FGD5: variants seen among roughly 807,000 people sequenced by gnomAD.
FGD5 encodes FYVE, RhoGEF and PH domain containing 5, also known as FYVE, RhoGEF and PH domain-containing protein 5.
FGD5 carries 28 observed loss-of-function variants against 133.4 expected under a neutral mutation model. The observed-to-expected ratio is 0.21, with a 90% confidence interval of 0.16 to 0.29. FGD5 has a LOEUF of 0.29. Among genes scored for constraint, FGD5 ranks in the 10% least tolerant of loss-of-function variants. The pLI is 1.00. For missense variants in FGD5, 1,858 were observed against 1,895.2 expected, an observed-to-expected ratio of 0.98 and a Z score of 0.36; for synonymous variants, 810 against 776.5, an observed-to-expected ratio of 1.04 and a Z score of -0.72.
chr3:14,933,207 CA>C lies in FGD5; in HGVS notation c.*42del. The C allele has an allele frequency of 1.2e-6, 2 of 1,605,142 alleles. No homozygotes were observed. The stretch of plus-strand genomic sequence containing the variant: ...GTGGACTTGTAACAAATTCTTAGGT[CA>C]ATATGTGAATGCTTTTAGAAGCTAA... On this transcript the variant is annotated 3_prime_UTR_variant, in exon 20 of 20. Coordinates refer to ENST00000285046, the MANE Select transcript of FGD5 (RefSeq NM_152536.4).
At chr3:14,839,924 CTG>C (rs2036885591) in intron 1 of FGD5, among the ~76,000 whole-genome samples, 1 of 126,928 alleles carries the variant, frequency 7.9e-6, no homozygotes, top group Non-Finnish European at 1.6e-5. Flanking sequence ...CTGAGCAAGA[CTG>C]TCTCAAAAAA....
Position 14,880,759 on chromosome 3 carries a change from A to G in FGD5, c.2735A>G (p.Gln912Arg), listed in dbSNP as rs2037809697. The G allele has an allele frequency of 6.2e-7, 1 of 1,614,016 alleles. No homozygotes were observed. Reference sequence around the variant, plus strand: ...CTCTGCAGATACGTGGAGATGCTCCAGCACTTAAATCTGGTGAGTTAATCA... The same window carrying G: ...CTCTGCAGATACGTGGAGATGCTCCGGCACTTAAATCTGGTGAGTTAATCA... ...SSEKAYVEMLQHLNLDFHGAV... is the reference protein window; with the variant it reads ...SSEKAYVEMLRHLNLDFHGAV... The change falls in exon 4 of 20, where the codon CAG (glutamine) becomes CGG (arginine). Residue 912 changes from glutamine to arginine, a missense_variant. By Grantham distance (43) the Gln-to-Arg change is conservative (BLOSUM62 1). This residue lies in a region of FGD5 where 1,824 missense variants were observed against 1,848.9 expected (regional missense o/e 0.99). Coordinates refer to ENST00000285046, the MANE Select transcript of FGD5 (RefSeq NM_152536.4).
intron 1 of FGD5, among the ~76,000 whole-genome samples, chr3:14,830,458 C>T (rs1240849952): frequency 8.6e-6 from 1 of 116,680 alleles, no homozygotes; most frequent in Non-Finnish European, 2.0e-5. Context: ...TTAAGACCCC[C>T]AACTATTTTT....
At chr3:14,838,707 A>G (rs2036863439) in intron 1 of FGD5, among the ~76,000 whole-genome samples, 1 of 152,168 alleles carries the variant, frequency 6.6e-6, no homozygotes, top group African/African-American at 2.4e-5. Flanking sequence ...TCCATCTATG[A>G]CCCTGGGAAG....
chr3:14,818,895 ACT>A, upstream of FGD5: 1 of 1,417,986 alleles, frequency 7.1e-7, no homozygotes, highest in Non-Finnish European at 9.2e-7. Context: ...TGTGTAGGAG[ACT>A]CTGAATGGCA....
intron 2 of FGD5, among the ~76,000 whole-genome samples, chr3:14,874,927 T>C (rs1238463615): frequency 6.6e-6 from 1 of 152,132 alleles, no homozygotes; most frequent in Non-Finnish European, 1.5e-5. Flanking sequence ...CGTCCCTCCT[T>C]CTCCCCTCGC....
At chr3:14,927,233 T>C (rs1384083278) in intron 18 of FGD5, among the ~76,000 whole-genome samples, 1 of 152,236 alleles carries the variant, frequency 6.6e-6, no homozygotes, top group African/African-American at 2.4e-5. Flanking sequence ...CCTTTGCCTG[T>C]GTCCACAGGT....
intron 18 of FGD5, among the ~76,000 whole-genome samples, chr3:14,927,260 T>G (rs756027096): frequency 2.6e-5 from 4 of 152,076 alleles, no homozygotes; most frequent in Non-Finnish European, 5.9e-5. Flanking sequence ...TTCCACACTG[T>G]GGGGGATTTT....
chr3:14,908,411 GA>G lies in FGD5; in HGVS notation c.3336+701del, dbSNP rs2038379472. Among the ~76,000 whole-genome samples the G allele has an allele frequency of 2.0e-5, 3 of 152,078 alleles. No homozygotes were observed. The South Asian group carries it at 6.2e-4, about 32-fold the overall frequency. ...ACCTTCCGAGGCTCTGTTCTGAATGGACTCCTCGTGGGTACAAACCAAGGAG... is the reference window on the plus strand; with the variant it reads ...ACCTTCCGAGGCTCTGTTCTGAATGGCTCCTCGTGGGTACAAACCAAGGAG... On this transcript the variant is annotated intron_variant, in intron 10 of 19. Transcript: ENST00000285046.
At chr3:14,823,311 A>G (rs1483953802) in intron 1 of FGD5, among the ~76,000 whole-genome samples, 5 of 152,172 alleles carry the variant, frequency 3.3e-5, no homozygotes, top group Non-Finnish European at 5.9e-5. Context: ...GAAATCCTCC[A>G]GCCACAGGGA....
intron 15 of FGD5, 31 bp from the exon 16 acceptor site, chr3:14,923,015 G>A (rs754806771): frequency 2.5e-6 from 4 of 1,613,448 alleles, no homozygotes; most frequent in South Asian, 2.2e-5. Flanking sequence ...TGCACTGAGA[G>A]GGGTGAGAAT....
intron 2 of FGD5, among the ~76,000 whole-genome samples, chr3:14,875,315 G>C (rs1211098925): frequency 6.8e-6 from 1 of 147,802 alleles, no homozygotes; most frequent in Non-Finnish European, 1.5e-5. Context: ...GTGGATGTGG[G>C]TTATTTTAGG....
chr3:14,813,757 C>G (rs1356943786), intron 1 of FGD5, among the ~76,000 whole-genome samples: 2 of 152,144 alleles, frequency 1.3e-5, no homozygotes, highest in Non-Finnish European at 1.5e-5. Flanking sequence ...GTGTGAAGAT[C>G]AGGGCTCCTG....
At chr3:14,880,506 G>T in intron 2 of FGD5, 66 bp from the exon 3 acceptor site, 2 of 1,518,514 alleles carry the variant, frequency 1.3e-6, no homozygotes, top group Non-Finnish European at 1.8e-6. Flanking sequence ...GCCTCCAGCA[G>T]CATGGTGGCC....
chr3:14,893,716 A>G (rs1028460329), intron 4 of FGD5, among the ~76,000 whole-genome samples: 8 of 133,868 alleles, frequency 6.0e-5, no homozygotes, highest in Non-Finnish European at 1.1e-4. Context: ...TTTATCTAAT[A>G]TTCGGTCTTA....
chr3:14,929,490 T>C (rs902271206), intron 18 of FGD5, among the ~76,000 whole-genome samples: 1 of 152,242 alleles, frequency 6.6e-6, no homozygotes, highest in African/African-American at 2.4e-5. Flanking sequence ...TTCTGGTTGC[T>C]CCACATCATT....
At chr3:14,849,669 A>C (rs1423280894) in intron 1 of FGD5, among the ~76,000 whole-genome samples, 1 of 152,154 alleles carries the variant, frequency 6.6e-6, no homozygotes, top group African/African-American at 2.4e-5. Flanking sequence ...GAATAAATAC[A>C]GTAGAGGTTG....
intron 1 of FGD5, among the ~76,000 whole-genome samples, chr3:14,849,541 TATA>T (rs2037119194): frequency 6.6e-6 from 1 of 152,096 alleles, no homozygotes; most frequent in South Asian, 2.1e-4. Flanking sequence ...GAAAGATGAG[TATA>T]ATAATAGTGC....
rs1377858389 is a variant in FGD5, at chr3:14,897,517, T to G, written c.2757T>G (p.His919Gln). Residue 919 changes from histidine to glutamine, a missense_variant, in exon 5 of 20, where the codon CAT (histidine) becomes CAG (glutamine). Transcript: ENST00000285046. ...EMLQHLNLDF[H>Q]GAVMRALDDM... ...ACCTTTTGGTGTTTCAGGATTTCCATGGAGCTGTCATGAGGGCCTTGGATG... is the reference window on the plus strand; with the variant it reads ...ACCTTTTGGTGTTTCAGGATTTCCAGGGAGCTGTCATGAGGGCCTTGGATG... The G allele has an allele frequency of 1.2e-6, 2 of 1,605,314 alleles. No individual in the cohort carries two copies. Among genetic ancestry groups the G allele is most frequent in the African/African-American group, 2.7e-5 (2 of 74,940 alleles).
Sources: allele counts gnomAD v4.1 joint callset (sites outside exome capture counted in the v4.1 genomes callset), GRCh38; gene constraint gnomAD v4.1.1; regional missense constraint gnomAD v4.1.1; transcripts MANE v1.5; gene names NCBI Gene and HGNC (gene_info 2026-07-23, HGNC 2026-07-21).